The following SIK3 variants were observed in gnomAD, a reference collection of about 807,000 sequenced individuals.
SIK3 encodes the protein SIK family kinase 3.
In SIK3, 28 loss-of-function variants were observed where a neutral mutation model predicts 144.2. The observed-to-expected ratio is 0.19, with a 90% CI of 0.14 to 0.27. SIK3 has a LOEUF of 0.27. SIK3 is among the 10% of genes least tolerant of loss of function. The pLI, the probability that SIK3 is intolerant of heterozygous loss-of-function variation, is 1.00. For synonymous variants in SIK3, 686 were observed against 676.3 expected, an observed-to-expected ratio of 1.01 and a Z score of -0.22; for missense variants, 1,319 against 1,776.0, an observed-to-expected ratio of 0.74 and a Z score of 4.62.
At chr11:116,897,621 T>C (rs967453960) in intron 4 of SIK3, among the ~76,000 whole-genome samples, 21 of 152,232 alleles carry the variant, frequency 1.4e-4, no homozygotes, top group Non-Finnish European at 2.9e-5. Context: ...CTGGGGGCAG[T>C]GGCTCATGCC....
intron 3 of SIK3, among the ~76,000 whole-genome samples, chr11:116,939,352 T>C (rs1948160630): frequency 6.6e-6 from 1 of 152,202 alleles, no homozygotes; most frequent in Non-Finnish European, 1.5e-5. Flanking sequence ...TTCACCATGT[T>C]GGTCAGGCTG....
At chr11:116,860,200 T>C (rs916072661) in intron 19 of SIK3, among the ~76,000 whole-genome samples, 4 of 149,678 alleles carry the variant, frequency 2.7e-5, no homozygotes, top group African/African-American at 9.9e-5. Context: ...GCCGAGATCA[T>C]ACCACTGCAC....
intron 13 of SIK3, among the ~76,000 whole-genome samples, chr11:116,872,405 T>C (rs1461366672): frequency 3.9e-5 from 6 of 152,242 alleles, no homozygotes; most frequent in Admixed American, 3.9e-4. Flanking sequence ...ATGTTATTAC[T>C]GTGGTACTTA....
intron 14 of SIK3, 69 bp downstream of exon 14, chr11:116,870,262 G>T (rs755446712): frequency 7.5e-6 from 12 of 1,602,240 alleles, no homozygotes; most frequent in Non-Finnish European, 1.0e-5. Context: ...TTGGGCAGAG[G>T]TGACCTTTCG....
intron 1 of SIK3, among the ~76,000 whole-genome samples, chr11:117,013,901 GGGGGGGGGGGGAGGGTGTGTGTGT>G (rs1351644054): frequency 8.4e-5 from 5 of 59,794 alleles, no homozygotes; most frequent in African/African-American, 2.7e-4. Context: ...AGATTCTGAG[GGGGGGGGGGGGAGGGTGTGTGTGT>G]GTGTGTGTGT....
At chr11:116,951,780 A>T (rs916893919) in intron 3 of SIK3, among the ~76,000 whole-genome samples, 2 of 152,118 alleles carry the variant, frequency 1.3e-5, no homozygotes, top group South Asian at 2.1e-4. Flanking sequence ...ATAAAAATTT[A>T]AAAATTAGCC....
Position 116,876,347 on chromosome 11 carries a change from T to C in SIK3, c.1001A>G (p.Gln334Arg). The change falls in exon 8 of 25, where the codon CAA becomes CGA. Residue 334 changes from glutamine to arginine, a missense_variant. By Grantham distance (43) the Gln-to-Arg change is conservative. This residue lies in a region of SIK3 where 34 missense variants were observed against 56.1 expected (regional missense o/e 0.61). Coordinates refer to ENST00000445177, the MANE Select transcript of SIK3 (RefSeq NM_001366686.3). The part of the protein sequence containing the change: ...PNFDRLIAEC[Q>R]QLKEERQVDP... ...CACCTGTCTTTCTTCCTTTAGTTGT[T>C]GGCATTCAGCTATTAACTGTAACAT... 1.2e-6 allele frequency: 2 copies of C among 1,614,132 alleles called. No individual in the cohort carries two copies. Among genetic ancestry groups the C allele is most frequent in the South Asian group, 2.2e-5 (2 of 91,076 alleles).
intron 1 of SIK3, among the ~76,000 whole-genome samples, chr11:117,065,737 C>A (rs1332073882): frequency 6.6e-6 from 1 of 151,288 alleles, no homozygotes; most frequent in African/African-American, 2.4e-5. Flanking sequence ...TCAAGCAATT[C>A]ATCTGCCTCA....
rs1249573287 is a variant in SIK3 at position 116,849,198 on chromosome 11, T to G, written c.3741A>C (p.Ala1247=). The G allele has an allele frequency of 3.1e-6, 5 of 1,614,030 alleles. No individual in the cohort carries two copies. The highest frequency in any genetic ancestry group is 4.2e-6 in the Non-Finnish European group (5 of 1,180,012). Residue 1247 remains alanine, a synonymous_variant, in exon 22 of 25, where the codon GCA becomes GCC. Transcript: ENST00000445177. The surrounding 1 kb of genome is among the most constrained non-coding windows in gnomAD (Gnocchi z 4.2). ...LPDHNGLGYP[A]RPSVHEHHRP... is the part of the protein sequence containing the mutation. Reference sequence around the variant, plus strand: ...TGTGGTGCTCATGGACGGAGGGGCGTGCTGGGTACCCGAGCCCATTGTGAT... The same window carrying G: ...TGTGGTGCTCATGGACGGAGGGGCGGGCTGGGTACCCGAGCCCATTGTGAT...
intron 3 of SIK3, among the ~76,000 whole-genome samples, chr11:116,941,891 C>T (rs1354824774): frequency 6.6e-6 from 1 of 152,050 alleles, no homozygotes; most frequent in Non-Finnish European, 1.5e-5. Context: ...TAGTGGTTTA[C>T]AAAACTAACC....
chr11:117,001,686 C>T (rs982513425), intron 1 of SIK3, among the ~76,000 whole-genome samples: 1 of 152,002 alleles, frequency 6.6e-6, no homozygotes, highest in African/African-American at 2.4e-5. Context: ...TGCCTCCAGG[C>T]CTCAAACGAT....
chr11:116,873,353 A>G, intron 13 of SIK3, 128 bp downstream of exon 13: 3 of 1,260,104 alleles, frequency 2.4e-6, no homozygotes, highest in Non-Finnish European at 3.4e-6. Context: ...AATGGGCTGG[A>G]GCATCCTAAG....
At chr11:116,899,887 T>C (rs1229084558) in intron 4 of SIK3, among the ~76,000 whole-genome samples, 1 of 152,190 alleles carries the variant, frequency 6.6e-6, no homozygotes, top group African/African-American at 2.4e-5. Flanking sequence ...TCCCTCTCTT[T>C]TCCAGTTTTA....
intron 1 of SIK3, among the ~76,000 whole-genome samples, chr11:116,975,480 T>A (rs1367488174): frequency 6.6e-6 from 1 of 152,234 alleles, no homozygotes; most frequent in Non-Finnish European, 1.5e-5. Context: ...CTTTTGTGAC[T>A]TGTTTCTTTT....
chr11:117,001,802 T>C (rs1591513979), intron 1 of SIK3, among the ~76,000 whole-genome samples: 1 of 152,228 alleles, frequency 6.6e-6, no homozygotes, highest in Non-Finnish European at 1.5e-5. Context: ...CTTCTAACAA[T>C]TAATGAGTCT....
intron 1 of SIK3, among the ~76,000 whole-genome samples, chr11:117,052,377 G>C (rs1051684313): frequency 6.6e-6 from 1 of 152,156 alleles, no homozygotes; most frequent in Non-Finnish European, 1.5e-5. Context: ...AGTTACTATT[G>C]CAGTAGCCCA....
Position 116,849,301 on chromosome 11 carries a change from AAT to A in SIK3, c.3656-20_3656-19del, listed in dbSNP as rs1565354193. On this transcript the variant is annotated intron_variant, in intron 21 of 24. Coordinates refer to ENST00000445177, the MANE Select transcript of SIK3 (RefSeq NM_001366686.3). This position sits in a 1 kb window ranked among gnomAD's most constrained non-coding sequence, Gnocchi z 4.2. ...GACAGGCTCTGAGGAGACACAGCAG[AAT>A]AGAGTCAGTGGGGCGGAACTTCTCC... The A allele has an allele frequency of 6.2e-7, 1 of 1,613,848 alleles. No individual in the cohort carries two copies. The highest frequency in any genetic ancestry group is 8.5e-7 in the Non-Finnish European group (1 of 1,179,836).
At chr11:116,933,269 T>C (rs1309940262) in intron 3 of SIK3, among the ~76,000 whole-genome samples, 2 of 151,846 alleles carry the variant, frequency 1.3e-5, no homozygotes, top group African/African-American at 4.8e-5. Context: ...GCCTCCCAAG[T>C]AGCTGGGACT....
Position 116,849,043 on chromosome 11 carries a change from A to C in SIK3, c.3819+77T>G. On this transcript the variant is annotated intron_variant, in intron 22 of 24. Transcript: ENST00000445177. The surrounding 1 kb of genome is among the most constrained non-coding windows in gnomAD (Gnocchi z 4.2). ...CTGAGGAGAGCGGCCAAGAGAGGCT[A>C]CCCCACATCACTATACTCTGTTTCA... The C allele has an allele frequency of 6.9e-7, 1 of 1,449,962 alleles. No individual in the cohort carries two copies. Among genetic ancestry groups the C allele is most frequent in the Non-Finnish European group, 9.2e-7 (1 of 1,085,580 alleles). The allele number at this position is 1,449,962 out of a possible 1,614,324, so 89.8% of individuals were successfully genotyped here. A position where few individuals can be genotyped will look rare whatever the true frequency, so the allele number is the denominator to read the frequency against.
Sources: gnomAD v4.1 joint callset for allele counts (sites outside exome capture counted in the v4.1 genomes callset) on GRCh38, gnomAD v4.1.1 for gene constraint, gnomAD v4.1.1 regional missense constraint, Gnocchi (gnomAD v3.1) non-coding constraint, MANE v1.5 for transcripts, NCBI Gene and HGNC (gene_info 2026-07-23, HGNC 2026-07-21) for gene names.